Variants in LIPE observed in about 807,000 individuals in gnomAD.
LIPE encodes the protein lipase E, hormone sensitive type.
In LIPE, 66 loss-of-function variants were observed where a neutral mutation model predicts 88.5. The ratio of observed to expected loss-of-function variants is 0.75; its 90% CI spans 0.61 to 0.91. The LOEUF is 0.91. LIPE is among the 40% of genes least tolerant of loss of function. LIPE has a pLI of 0.00. For missense variants in LIPE, 1,346 were observed against 1,434.7 expected, an observed-to-expected ratio of 0.94 and a Z score of 1.00; for synonymous variants, 570 against 617.5, an observed-to-expected ratio of 0.92 and a Z score of 1.14.
intron 1 of LIPE, chr19:42,412,247 C>A (rs1175127277): frequency 1.0e-6 from 1 of 984,616 alleles, no homozygotes; most frequent in East Asian, 1.1e-4. Flanking sequence ...GCTCCAGTGA[C>A]TTCCCTCCCA....
At chr19:42,420,952 A>T (rs2040586928) in intron 1 of LIPE, among the ~76,000 whole-genome samples, 1 of 151,912 alleles carries the variant, frequency 6.6e-6, no homozygotes, top group Non-Finnish European at 1.5e-5. Context: ...AGGCTGGAGT[A>T]GAGTGGTGCG....
At position 42,407,402 on chromosome 19, in the gene LIPE, G is replaced by A; in HGVS notation, c.1909C>T (p.Pro637Ser). ...GACCGCGAGCGGGGTGCCTGCTGGG[G>A]GCGCGGCCACAGCTCCAGGCTCCGT... ...GQRSLELWPR[P>S]QQAPRSRSLI... Residue 637 changes from proline (P) to serine (S), a missense_variant, in exon 6 of 10, where the codon CCC becomes TCC. By Grantham distance (74) the Pro-to-Ser change is moderately conservative. Transcript: ENST00000244289. This position sits in a 1 kb window ranked among gnomAD's most constrained non-coding sequence, Gnocchi z 5.8. 6.2e-7 allele frequency: 1 copy of A among 1,613,700 alleles called. No individual in the cohort carries two copies. Among genetic ancestry groups the A allele is most frequent in the Non-Finnish European group, 8.5e-7 (1 of 1,179,840 alleles).
At chr19:42,404,315 T>C (rs1029481753) in intron 8 of LIPE, among the ~76,000 whole-genome samples, 1 of 151,258 alleles carries the variant, frequency 6.6e-6, no homozygotes, top group Non-Finnish European at 1.5e-5. Context: ...CACTGCAACC[T>C]CGTCTCTTGG....
At position 42,410,591 on chromosome 19, in the gene LIPE, T is replaced by C. The variant is rs1446898714; in HGVS notation, c.1135A>G (p.Thr379Ala). Reference protein sequence around the residue: ...PANGYRSLVHTARCCLAHLLH... With the variant: ...PANGYRSLVHAARCCLAHLLH... ...AGGTGCGCCAGGCAGCAGCGGGCTG[T>C]GTGCACTAGGCTGCGGTACCCGTTG... The change falls in exon 2 of 10, where the codon ACA becomes GCA. Residue 379 changes from threonine (T) to alanine (A), a missense_variant. Coordinates refer to ENST00000244289, the MANE Select transcript of LIPE (RefSeq NM_005357.4). The surrounding 1 kb of genome is among the most constrained non-coding windows in gnomAD (Gnocchi z 6.1). 15 of 1,613,238 alleles carry C rather than the reference T, an allele frequency of 9.3e-6. No homozygotes were observed. Among genetic ancestry groups the C allele is most frequent in the African/African-American group, 1.3e-5 (1 of 74,896 alleles).
At chr19:42,423,825 T>C in intron 1 of LIPE, 1 of 1,116,620 alleles carries the variant, frequency 9.0e-7, no homozygotes, top group Non-Finnish European at 1.1e-6. Context: ...GCAGGACTAG[T>C]GCGGAGCCCC....
In LIPE at chr19:42,407,766, G is replaced by A; in HGVS notation, c.1682C>T (p.Thr561Ile). 2 of 1,551,062 alleles carry A rather than the reference G, an allele frequency of 1.3e-6. No homozygotes were observed. Among genetic ancestry groups the A allele is most frequent in the Non-Finnish European group, 1.7e-6 (2 of 1,148,264 alleles). Reference protein sequence around the residue: ...LSSLANMASATVRVSRLLSLP... With the variant: ...LSSLANMASAIVRVSRLLSLP... The stretch of plus-strand genomic sequence containing the variant: ...GCTGAGCAGGCGGCTTACCCTCACG[G>A]TGGCCGATGCCATGTTGGCCAGAGA... The change falls in exon 5 of 10, where the codon ACC (threonine) becomes ATC (isoleucine). Residue 561 changes from threonine to isoleucine, a missense_variant. By Grantham distance (89) the Thr-to-Ile change is moderately conservative. Coordinates refer to ENST00000244289, the MANE Select transcript of LIPE (RefSeq NM_005357.4). This position sits in a 1 kb window ranked among gnomAD's most constrained non-coding sequence, Gnocchi z 5.8.
At chr19:42,405,976 T>TCACACA (rs57282318) in intron 7 of LIPE, 185 bp downstream of exon 7, 4,493 of 417,864 alleles carry the variant, frequency 0.011, 31 homozygotes, top group African/African-American at 0.014. Context: ...TCTCTCTCTC[T>TCACACA]CACACACACA....
At chr19:42,423,854 G>A (rs1338642159) in intron 1 of LIPE, 1 of 1,124,916 alleles carries the variant, frequency 8.9e-7, no homozygotes. Flanking sequence ...CACCCCAGCA[G>A]GGAAGTCCCG....
In LIPE at chr19:42,401,831, C is replaced by T. The variant is rs751898723; in HGVS notation, c.3212G>A (p.Gly1071Asp). ...GETGAAGVDG[G>D]CGGRH ...AGGCTTTTAGTGTCGCCCCCCGCAG[C>T]CCCCGTCTACCCCCGCAGCCCCCGT... The change falls in exon 10 of 10, where the codon GGC (glycine) becomes GAC (aspartate). Residue 1071 changes from glycine to aspartate, a missense_variant. Gly to Asp is a moderately conservative substitution (Grantham distance 94, BLOSUM62 -1). Transcript: ENST00000244289. 1.2e-4 allele frequency: 183 copies of T among 1,480,098 alleles called. No homozygotes were observed. Among genetic ancestry groups the T allele is most frequent in the Non-Finnish European group, 1.6e-4 (178 of 1,118,508 alleles). The allele number at this position is 1,480,098 out of a possible 1,614,324, so 91.7% of individuals were successfully genotyped here.
At chr19:42,412,448 CG>C (rs1325983598) in intron 1 of LIPE, 2 of 986,004 alleles carry the variant, frequency 2.0e-6, no homozygotes, top group Non-Finnish European at 2.4e-6. Flanking sequence ...GCAATAAACC[CG>C]GGGGCGGGGC....
At chr19:42,417,046 G>C (rs2040502213) in intron 1 of LIPE, among the ~76,000 whole-genome samples, 1 of 152,088 alleles carries the variant, frequency 6.6e-6, no homozygotes, top group Admixed American at 6.6e-5. Flanking sequence ...TCAGCCTCCT[G>C]AGTAGCTGGG....
Position 42,402,919 on chromosome 19 carries a change from G to C in LIPE, c.2655C>G (p.Ser885=), listed in dbSNP as rs149909979. Reference sequence around the variant, plus strand: ...TCTCGGGGGTGTCCGACGACGTCTCGGAGTTTCCCCTCAGGCTCAAGTCCC... The same window carrying C: ...TCTCGGGGGTGTCCGACGACGTCTCCGAGTTTCCCCTCAGGCTCAAGTCCC... ...TLRDLSLRGN[S]ETSSDTPEMS... The change falls in exon 9 of 10, where the codon TCC becomes TCG. Residue 885 remains serine, a synonymous_variant. Coordinates refer to ENST00000244289, the MANE Select transcript of LIPE (RefSeq NM_005357.4). 1 of 1,611,922 alleles carries C rather than the reference G, an allele frequency of 6.2e-7. No individual in the cohort carries two copies. Among genetic ancestry groups the C allele is most frequent in the African/African-American group, 1.3e-5 (1 of 74,984 alleles).
At chr19:42,403,445 G>GT (rs1231529110) in intron 8 of LIPE, among the ~76,000 whole-genome samples, 2 of 148,200 alleles carry the variant, frequency 1.3e-5, no homozygotes, top group Non-Finnish European at 3.0e-5. Flanking sequence ...ATAATATATC[G>GT]TTTTTTGTTT....
intron 1 of LIPE, among the ~76,000 whole-genome samples, chr19:42,419,561 G>A (rs2147661019): frequency 6.6e-6 from 1 of 152,344 alleles, no homozygotes; most frequent in East Asian, 1.9e-4. Context: ...GGAGAGGTAG[G>A]GCAGAGGGGA....
chr19:42,418,375 A>C (rs2040531372), intron 1 of LIPE, among the ~76,000 whole-genome samples: 1 of 152,238 alleles, frequency 6.6e-6, no homozygotes, highest in Admixed American at 6.5e-5. Context: ...ATCGAAGCAG[A>C]AAAGTTCATT....
rs551143713 is a variant in LIPE, at chr19:42,406,882, G to A, written c.2137+292C>T. 6.6e-6 allele frequency among the ~76,000 whole-genome samples: 1 copy of A among 152,250 alleles called. No individual in the cohort carries two copies. The highest frequency in any genetic ancestry group is 2.1e-4 in the South Asian group (1 of 4,828). Reference sequence around the variant, plus strand: ...AAGCTGGACTGTGGGCCAGGAGGCTGGTAGGACAGGAGAGCAGGGCCTGGA... The same window carrying A: ...AAGCTGGACTGTGGGCCAGGAGGCTAGTAGGACAGGAGAGCAGGGCCTGGA... On this transcript the variant is annotated intron_variant, in intron 6 of 9. Transcript: ENST00000244289. The surrounding 1 kb of genome is among the most constrained non-coding windows in gnomAD (Gnocchi z 5.7).
intron 1 of LIPE, chr19:42,412,607 G>A: frequency 1.0e-6 from 1 of 981,816 alleles, no homozygotes; most frequent in Non-Finnish European, 1.2e-6. Context: ...TCCTGTTACA[G>A]GCTCCTCTGC....
chr19:42,407,406 C>T lies in LIPE; in HGVS notation c.1905G>A (p.Pro635=), dbSNP rs2229614. The T allele has an allele frequency of 4.1e-3, 6,573 of 1,613,594 alleles. 199 individuals are homozygous for T. In the African/African-American group the frequency reaches 0.066, roughly 16 times the overall value. The part of the protein sequence containing the change: ...SNGQRSLELW[P]RPQQAPRSRS... ...GCGAGCGGGGTGCCTGCTGGGGGCGCGGCCACAGCTCCAGGCTCCGTTGGC... is the reference window on the plus strand; with the variant it reads ...GCGAGCGGGGTGCCTGCTGGGGGCGTGGCCACAGCTCCAGGCTCCGTTGGC... The change falls in exon 6 of 10, where the codon CCG becomes CCA. Residue 635 remains proline, a synonymous_variant. Transcript: ENST00000244289. The surrounding 1 kb of genome is among the most constrained non-coding windows in gnomAD (Gnocchi z 5.8).
In LIPE at chr19:42,405,406, T is replaced by C. The variant is rs2040137026; in HGVS notation, c.2521A>G (p.Lys841Glu). 2 of 1,613,500 alleles carry C rather than the reference T, an allele frequency of 1.2e-6. No homozygotes were observed. The highest frequency in any genetic ancestry group is 1.7e-6 in the Non-Finnish European group (2 of 1,179,986). ...TCACCTGCTATGGGCTCCGACATCT[T>C]CTGGGACTTGCGCCCACTTAACTCC... is the stretch of plus-strand genomic sequence containing the variant. Reference protein sequence around the residue: ...FLELSGRKSQKMSEPIAEPMR... With the variant: ...FLELSGRKSQEMSEPIAEPMR... The change falls in exon 8 of 10, where the codon AAG (lysine) becomes GAG (glutamate). Residue 841 changes from lysine (K) to glutamate (E), a missense_variant. Physicochemically the swap from Lys to Glu is moderately conservative, Grantham distance 56 (BLOSUM62 1). Coordinates refer to ENST00000244289, the MANE Select transcript of LIPE (RefSeq NM_005357.4).
Sources: gnomAD v4.1 joint callset for allele counts (sites outside exome capture counted in the v4.1 genomes callset) on GRCh38, gnomAD v4.1.1 for gene constraint, Gnocchi (gnomAD v3.1) non-coding constraint, MANE v1.5 for transcripts, NCBI Gene and HGNC (gene_info 2026-07-23, HGNC 2026-07-21) for gene names.